CFAP54: variants seen among roughly 807,000 people sequenced by gnomAD.
CFAP54 encodes cilia- and flagella-associated protein 54.
CFAP54 carries 290 observed loss-of-function variants against 370.4 expected under a neutral mutation model. That is an observed-to-expected ratio of 0.78 (90% CI 0.71 to 0.86). CFAP54 has a LOEUF of 0.86. CFAP54 is among the 40% of genes least tolerant of loss of function. The pLI is 0.00. For synonymous variants in CFAP54, 1,206 were observed against 1,236.5 expected (o/e 0.98, Z 0.52); for missense variants, 3,399 against 3,528.7 (o/e 0.96, Z 0.93).
chr12:96,566,415 A>G (rs1369768731), intron 19 of CFAP54, among the ~76,000 whole-genome samples: 1 of 152,202 alleles, frequency 6.6e-6, no homozygotes, highest in African/African-American at 2.4e-5. Flanking sequence ...GTATGGTGGT[A>G]TGACATTATC....
At chr12:96,633,144 T>C (rs201583888) in intron 32 of CFAP54, among the ~76,000 whole-genome samples, 1 of 152,206 alleles carries the variant, frequency 6.6e-6, no homozygotes, top group Non-Finnish European at 1.5e-5. Context: ...TCTGAAGAGA[T>C]AATGTTTTGC....
intron 47 of CFAP54, among the ~76,000 whole-genome samples, chr12:96,705,275 A>G (rs1370445360): frequency 2.0e-5 from 3 of 152,194 alleles, no homozygotes; most frequent in Non-Finnish European, 2.9e-5. Context: ...TTTGAGAGAT[A>G]TTTTCTCAAA....
chr12:96,554,264 C>A lies in CFAP54; in HGVS notation c.2237C>A (p.Thr746Asn). 5.9e-6 allele frequency: 9 copies of A among 1,528,558 alleles called. No individual in the cohort carries two copies. Among genetic ancestry groups the A allele is most frequent in the Non-Finnish European group, 7.9e-6 (9 of 1,143,336 alleles). 94.7% of individuals were successfully genotyped at this position (1,528,558 alleles called of 1,614,324 possible). Residue 746 changes from threonine (T) to asparagine (N), a missense_variant, in exon 16 of 68, where the codon ACC becomes AAC. Around this residue, in one of 3 missense-constraint regions of CFAP54, gnomAD observed 2,796 missense variants for 2,869.7 expected, o/e 0.97. Transcript: ENST00000524981. ...GGAATAAATTTGAATTGCATGTTAA[C>A]CTCTTTGCCAAATGGATCATCAGTA... is the stretch of plus-strand genomic sequence containing the variant. Reference protein sequence around the residue: ...IGGINLNCMLTSLPNGSSVID... With the variant: ...IGGINLNCMLNSLPNGSSVID...
chr12:96,874,285 A>G (rs2136476211), intron 67 of CFAP54, among the ~76,000 whole-genome samples: 1 of 152,262 alleles, frequency 6.6e-6, no homozygotes, highest in African/African-American at 2.4e-5. Flanking sequence ...TGTTTTTTAC[A>G]TTTCTAATAT....
intron 26 of CFAP54, among the ~76,000 whole-genome samples, chr12:96,620,606 A>G (rs1356343027): frequency 6.6e-6 from 1 of 152,250 alleles, no homozygotes. Flanking sequence ...TGTCTTAAAT[A>G]CTAACATACT....
intron 61 of CFAP54, 59 bp downstream of exon 61, chr12:96,784,949 T>C (rs1958614798): frequency 1.6e-6 from 2 of 1,232,352 alleles, no homozygotes; most frequent in African/African-American, 1.6e-5. Context: ...ATTTAAGTCA[T>C]GTTTCTTGTT....
chr12:96,848,998 C>G (rs1959456976), intron 66 of CFAP54, among the ~76,000 whole-genome samples: 1 of 152,178 alleles, frequency 6.6e-6, no homozygotes, highest in Non-Finnish European at 1.5e-5. Context: ...GCAAATATAT[C>G]TAGGTCCCTC....
Position 96,743,780 on chromosome 12 carries a change from G to A in CFAP54, c.7427G>A (p.Arg2476Gln), listed in dbSNP as rs1487482249. Residue 2476 changes from arginine (R) to glutamine (Q), a missense_variant, in exon 54 of 68, where the codon CGG becomes CAG. Transcript: ENST00000524981. ...EGNEFISPQSRLTLARSLVLL... is the reference protein window; with the variant it reads ...EGNEFISPQSQLTLARSLVLL... Reference sequence around the variant, plus strand: ...AATGAATTTATTTCTCCTCAATCACGGCTAACCCTGGCAAGAAGCCTAGTT... The same window carrying A: ...AATGAATTTATTTCTCCTCAATCACAGCTAACCCTGGCAAGAAGCCTAGTT... 4.3e-6 allele frequency: 7 copies of A among 1,613,414 alleles called. No homozygotes were observed. The highest frequency in any genetic ancestry group is 1.3e-5 in the African/African-American group (1 of 74,826).
At position 96,681,508 on chromosome 12, in the gene CFAP54, C is replaced by G. The variant is rs544225762; in HGVS notation, c.5716+1756C>G. ...GCAAACTCAAACTATGCAACTTCCA[C>G]CAGTCCCCACAAGAAGCAAAGCTTT... On this transcript the variant is annotated intron_variant, in intron 40 of 67. Coordinates refer to ENST00000524981, the MANE Select transcript of CFAP54 (RefSeq NM_001306084.2). 6.6e-5 allele frequency among the ~76,000 whole-genome samples: 10 copies of G among 152,150 alleles called. No individual in the cohort carries two copies. The South Asian group carries it at 2.1e-3, about 32-fold the overall frequency.
intron 36 of CFAP54, among the ~76,000 whole-genome samples, chr12:96,653,304 G>A (rs76156163): frequency 6.6e-4 from 100 of 152,304 alleles, no homozygotes; most frequent in African/African-American, 1.9e-3. Context: ...CTGTGGTACC[G>A]TAAACCCAGG....
At chr12:96,758,307 A>T (rs1958288799) in intron 58 of CFAP54, among the ~76,000 whole-genome samples, 1 of 152,170 alleles carries the variant, frequency 6.6e-6, no homozygotes, top group Non-Finnish European at 1.5e-5. Flanking sequence ...AAGAGATTTA[A>T]CGGACTCATA....
chr12:96,864,849 T>C (rs2136467014), intron 67 of CFAP54, among the ~76,000 whole-genome samples: 1 of 152,260 alleles, frequency 6.6e-6, no homozygotes, highest in Admixed American at 6.5e-5. Flanking sequence ...ACATTGTTTT[T>C]CCTAATGCAT....
intron 1 of CFAP54, among the ~76,000 whole-genome samples, chr12:96,497,853 C>T (rs1298739402): frequency 6.6e-6 from 1 of 152,126 alleles, no homozygotes; most frequent in Non-Finnish European, 1.5e-5. Flanking sequence ...TAGATAAGAC[C>T]CCTATATAAG....
rs1186838376 is a variant in CFAP54, at chr12:96,826,759, AT to A, written c.9097-2253del. Among the ~76,000 whole-genome samples, 475 of 112,782 alleles carry A rather than the reference AT, an allele frequency of 4.2e-3. 4 individuals are homozygous for A. Among genetic ancestry groups the A allele is most frequent in the African/African-American group, 0.016 (449 of 27,554 alleles). 74.0% of individuals were successfully genotyped at this position (112,782 alleles called of 152,430 possible). On this transcript the variant is annotated intron_variant, in intron 65 of 67. Transcript: ENST00000524981. ...AATATATAATTCTTATATAATACAT[AT>A]TAATATATTATATAATATATAATTA...
At chr12:96,716,483 C>G (rs1336912492) in intron 48 of CFAP54, among the ~76,000 whole-genome samples, 2 of 152,216 alleles carry the variant, frequency 1.3e-5, no homozygotes, top group African/African-American at 2.4e-5. Flanking sequence ...CATGCTTGCT[C>G]CTAGCAGTTC....
chr12:96,774,217 A>G (rs1958492529), intron 60 of CFAP54, among the ~76,000 whole-genome samples: 1 of 152,124 alleles, frequency 6.6e-6, no homozygotes, highest in Non-Finnish European at 1.5e-5. Flanking sequence ...TTTAGTTGTG[A>G]TATTTGTAAA....
rs547291869 is a variant in CFAP54, at chr12:96,678,050, A to G, written c.5564-1550A>G. ...CCCAAGATTTGTTGTCCTTTGGTGA[A>G]TCATCTGGGGAAGGCACTGGACTTG... On this transcript the variant is annotated intron_variant, in intron 39 of 67. Coordinates refer to ENST00000524981, the MANE Select transcript of CFAP54 (RefSeq NM_001306084.2). Among the ~76,000 whole-genome samples the G allele has an allele frequency of 1.9e-3, 286 of 152,060 alleles. 4 individuals are homozygous for G. The highest frequency in any genetic ancestry group is 2.8e-3 in the Non-Finnish European group (190 of 67,934).
intron 45 of CFAP54, among the ~76,000 whole-genome samples, chr12:96,699,584 C>T (rs1352970732): frequency 6.6e-6 from 1 of 152,056 alleles, no homozygotes; most frequent in Non-Finnish European, 1.5e-5. Flanking sequence ...GGCTGGAGAA[C>T]ATTAGGAGTG....
intron 23 of CFAP54, among the ~76,000 whole-genome samples, chr12:96,592,068 C>T (rs1412838614): frequency 6.6e-6 from 1 of 151,956 alleles, no homozygotes; most frequent in African/African-American, 2.4e-5. Context: ...CATCTTTATA[C>T]CTAAGGGTCT....
Sources: gnomAD v4.1 joint callset for allele counts (sites outside exome capture counted in the v4.1 genomes callset) on GRCh38, gnomAD v4.1.1 for gene constraint, gnomAD v4.1.1 regional missense constraint, MANE v1.5 for transcripts, NCBI Gene and HGNC (gene_info 2026-07-23, HGNC 2026-07-21) for gene names.